Variants in MYO16 observed in about 807,000 individuals in gnomAD.
The protein encoded by MYO16 is myosin XVI, also known as unconventional myosin-XVI.
MYO16 carries 94 observed loss-of-function variants against 205.3 expected under a neutral mutation model. The ratio of observed to expected loss-of-function variants is 0.46; its 90% CI spans 0.39 to 0.54. The LOEUF (loss-of-function observed/expected upper bound fraction) is 0.54. Ranked by LOEUF, MYO16 falls within the 20% of genes least tolerant of loss-of-function variation. MYO16 has a pLI of 0.00. For missense variants in MYO16, 2,315 were observed against 2,387.5 expected (o/e 0.97, Z 0.63); for synonymous variants, 988 against 954.0 (o/e 1.04, Z -0.66).
intron 28 of MYO16, among the ~76,000 whole-genome samples, chr13:109,118,313 T>A (rs1391063589): frequency 6.6e-6 from 1 of 152,212 alleles, no homozygotes; most frequent in Non-Finnish European, 1.5e-5. Flanking sequence ...TCCCCAGATC[T>A]AGCACAATGC....
intron 17 of MYO16, among the ~76,000 whole-genome samples, 174 bp from the exon 18 acceptor site, chr13:108,961,351 ATGAGGTTTTGATGT>A (rs1201068563): frequency 6.6e-6 from 1 of 152,206 alleles, no homozygotes; most frequent in East Asian, 1.9e-4. Context: ...GTTTTGAATT[ATGAGGTTTTGATGT>A]TGAGGTAGAG....
chr13:109,036,959 C>T (rs570091550), intron 23 of MYO16, among the ~76,000 whole-genome samples: 1 of 152,284 alleles, frequency 6.6e-6, no homozygotes, highest in East Asian at 1.9e-4. Flanking sequence ...CTGAGTGACC[C>T]TGGAGAGCCT....
At chr13:108,727,833 A>T (rs1884393568) in intron 4 of MYO16, among the ~76,000 whole-genome samples, 1 of 152,226 alleles carries the variant, frequency 6.6e-6, no homozygotes, top group Admixed American at 6.5e-5. Context: ...ATATGCCTTG[A>T]TACAAGTCAG....
At position 108,823,060 on chromosome 13, in the gene MYO16, G is replaced by A. The variant is rs1876063429; in HGVS notation, c.944-65G>A. The A allele has an allele frequency of 3.5e-6, 5 of 1,413,848 alleles. No homozygotes were observed. The Admixed American group carries it at 6.0e-5, about 17-fold the overall frequency. 87.6% of individuals were successfully genotyped at this position (1,413,848 alleles called of 1,614,324 possible). A position where few individuals can be genotyped will look rare whatever the true frequency, so the allele number is the denominator to read the frequency against. On this transcript the variant is annotated intron_variant, in intron 8 of 34. Coordinates refer to ENST00000457511, the MANE Select transcript of MYO16 (RefSeq NM_001198950.3). ...TTTAAGCATATCGGAATTATTGAAA[G>A]TAAATAGATTTATGTGCTATCACCA...
At chr13:108,973,604 A>G (rs1360236623) in intron 20 of MYO16, among the ~76,000 whole-genome samples, 1 of 152,170 alleles carries the variant, frequency 6.6e-6, no homozygotes, top group East Asian at 1.9e-4. Flanking sequence ...GAAGGTGGCA[A>G]TATTGACAGT....
At chr13:108,787,395 T>C (rs1433451517) in intron 5 of MYO16, among the ~76,000 whole-genome samples, 2 of 152,274 alleles carry the variant, frequency 1.3e-5, no homozygotes, top group African/African-American at 2.4e-5. Flanking sequence ...GCCAGTTCTA[T>C]GTTATTATTT....
At chr13:108,931,792 A>G (rs78201193) in intron 16 of MYO16, among the ~76,000 whole-genome samples, 1,807 of 152,276 alleles carry the variant, frequency 0.012, 32 homozygotes, top group African/African-American at 0.039. Context: ...AACCCCAGAT[A>G]TTAGTTTTTA....
At chr13:109,039,806 C>A (rs1171351013) in intron 23 of MYO16, among the ~76,000 whole-genome samples, 2 of 151,864 alleles carry the variant, frequency 1.3e-5, no homozygotes, top group Non-Finnish European at 2.9e-5. Flanking sequence ...GCAAAATAAA[C>A]CACAGTAAGC....
rs1169003994 is a variant in MYO16, at chr13:108,844,610, G to T, written c.1248+117G>T. On this transcript the variant is annotated intron_variant, in intron 10 of 34. Transcript: ENST00000457511. ...TAATTTGCATTCAAAGACAATTAATGCATAGATTAATATTTTGCTTGCAGT... is the reference window on the plus strand; with the variant it reads ...TAATTTGCATTCAAAGACAATTAATTCATAGATTAATATTTTGCTTGCAGT... 2.9e-6 allele frequency: 3 copies of T among 1,028,878 alleles called. No individual in the cohort carries two copies. In the African/African-American group the frequency reaches 4.8e-5, roughly 17 times the overall value. 63.7% of individuals were successfully genotyped at this position (1,028,878 alleles called of 1,614,324 possible).
rs115837545 is a variant in MYO16, at chr13:108,787,443, A to C, written c.616+1700A>C. Among the ~76,000 whole-genome samples, 788 of 152,360 alleles carry C rather than the reference A, an allele frequency of 5.2e-3. 4 individuals carry two copies. Among genetic ancestry groups the C allele is most frequent in the African/African-American group, 0.018 (743 of 41,584 alleles). On this transcript the variant is annotated intron_variant, in intron 5 of 34. Transcript: ENST00000457511. ...GTTGTTCTGAATTTTTAAAAGCTACAGTAATAAATGTTTCTTTTAGAAAAT... is the reference window on the plus strand; with the variant it reads ...GTTGTTCTGAATTTTTAAAAGCTACCGTAATAAATGTTTCTTTTAGAAAAT...
At chr13:108,647,067 T>A (rs1389101256) in intron 1 of MYO16, among the ~76,000 whole-genome samples, 2 of 152,138 alleles carry the variant, frequency 1.3e-5, no homozygotes, top group Non-Finnish European at 2.9e-5. Flanking sequence ...TCCATGGCAT[T>A]TTCCCTTGTG....
chr13:109,157,528 C>T (rs1309358615), intron 32 of MYO16, among the ~76,000 whole-genome samples: 1 of 152,242 alleles, frequency 6.6e-6, no homozygotes, highest in Non-Finnish European at 1.5e-5. Context: ...CACCTGGCTG[C>T]TCCAGCCCAC....
chr13:109,202,787 A>G (rs542545670), intron 34 of MYO16, among the ~76,000 whole-genome samples: 3 of 152,366 alleles, frequency 2.0e-5, no homozygotes, highest in South Asian at 2.1e-4. Flanking sequence ...ACATCACATT[A>G]TCTGATTTCA....
intron 16 of MYO16, among the ~76,000 whole-genome samples, chr13:108,925,339 C>G (rs910219515): frequency 6.6e-6 from 1 of 152,182 alleles, no homozygotes; most frequent in Non-Finnish European, 1.5e-5. Flanking sequence ...CACTCCTCTT[C>G]CTGTGCTGCT....
At chr13:108,849,730 C>CTT (rs1172926224) in intron 10 of MYO16, among the ~76,000 whole-genome samples, 3 of 128,204 alleles carry the variant, frequency 2.3e-5, no homozygotes, top group African/African-American at 5.9e-5. Flanking sequence ...TGAATTTCCT[C>CTT]TTTTTTTTTT....
At chr13:108,694,835 A>G (rs941487939) in intron 2 of MYO16, among the ~76,000 whole-genome samples, 6 of 152,200 alleles carry the variant, frequency 3.9e-5, no homozygotes, top group Admixed American at 2.0e-4. Flanking sequence ...AGAGTTGGCC[A>G]GGTGCCATGG....
At chr13:108,832,611 T>C (rs1451582378) in intron 9 of MYO16, among the ~76,000 whole-genome samples, 1 of 152,156 alleles carries the variant, frequency 6.6e-6, no homozygotes, top group Non-Finnish European at 1.5e-5. Flanking sequence ...GTTGGCACCT[T>C]AAGTTCTACT....
chr13:108,748,482 A>G (rs1885131742), intron 4 of MYO16, among the ~76,000 whole-genome samples: 1 of 152,074 alleles, frequency 6.6e-6, no homozygotes, highest in African/African-American at 2.4e-5. Flanking sequence ...TAAATCAAAC[A>G]GAAGAAATAA....
Position 109,206,667 on chromosome 13 carries a change from AC to A in MYO16, c.5475del (p.Trp1826GlyfsTer35). The A allele has an allele frequency of 6.2e-7, 1 of 1,614,104 alleles. No individual in the cohort carries two copies. The highest frequency in any genetic ancestry group is 1.1e-5 in the South Asian group (1 of 91,082). ...AGTGTGGCCCTGCAGGAACTCTTGG[AC>A]TGGAGGAGAAAGCTCTGTGAGGAAG... ...NESVALQELL[D>X]WRRKLCEEGQ... On this transcript the variant is annotated frameshift_variant, in exon 35 of 35. Transcript: ENST00000457511. LOFTEE classifies it high-confidence loss of function.
Sources: gnomAD v4.1 joint callset for allele counts (sites outside exome capture counted in the v4.1 genomes callset) on GRCh38, gnomAD v4.1.1 for gene constraint, MANE v1.5 for transcripts, NCBI Gene and HGNC (gene_info 2026-07-23, HGNC 2026-07-21) for gene names.